Variants in PHIP observed in about 807,000 individuals in gnomAD.
The protein encoded by PHIP is PH-interacting protein.
A neutral mutation model predicts 236.8 loss-of-function variants in PHIP; 54 were observed. That is an observed-to-expected ratio of 0.23 (90% CI 0.18 to 0.29). The LOEUF is 0.29. Among genes scored for constraint, PHIP ranks in the 10% least tolerant of loss-of-function variants. PHIP has a pLI of 1.00. For missense variants in PHIP, 1,370 were observed against 2,190.8 expected, an observed-to-expected ratio of 0.63 and a Z score of 7.48; for synonymous variants, 756 against 718.9, an observed-to-expected ratio of 1.05 and a Z score of -0.83.
At chr6:79,017,670 A>G (rs1770899685) in intron 10 of PHIP, 87 bp from the exon 11 acceptor site, 2 of 855,528 alleles carry the variant, frequency 2.3e-6, no homozygotes, top group Middle Eastern at 2.4e-4. Flanking sequence ...GCAAAATTAC[A>G]GTATATACTG....
intron 19 of PHIP, among the ~76,000 whole-genome samples, chr6:78,995,701 A>G (rs956046769): frequency 1.3e-5 from 2 of 152,132 alleles, no homozygotes; most frequent in Non-Finnish European, 2.9e-5. Flanking sequence ...TCTTTTGCCC[A>G]TTCTCCGGTT....
chr6:79,022,170 G>A (rs75487177), intron 9 of PHIP, among the ~76,000 whole-genome samples: 2,984 of 152,274 alleles, frequency 0.02, 88 homozygotes, highest in African/African-American at 0.068. Context: ...TATCAAGAGT[G>A]CGACCTTAGG....
chr6:79,003,926 C>A, intron 15 of PHIP, 68 bp from the exon 16 acceptor site: 3 of 1,035,858 alleles, frequency 2.9e-6, no homozygotes, highest in South Asian at 3.5e-5. Flanking sequence ...ACTATTATTA[C>A]AATAATTTTA....
intron 18 of PHIP, among the ~76,000 whole-genome samples, chr6:78,997,915 T>C (rs1332715257): frequency 6.6e-6 from 1 of 152,084 alleles, no homozygotes; most frequent in East Asian, 1.9e-4. Context: ...AACCCAAGAG[T>C]ATTAATGGTT....
At chr6:79,026,710 T>C (rs1358748614) in intron 7 of PHIP, among the ~76,000 whole-genome samples, 1 of 151,922 alleles carries the variant, frequency 6.6e-6, no homozygotes, top group Non-Finnish European at 1.5e-5. Flanking sequence ...TTGTTTACTC[T>C]GCCATAGTAG....
At position 78,968,550 on chromosome 6, in the gene PHIP, G is replaced by A. The variant is rs183672647; in HGVS notation, c.3205+1285C>T. Reference sequence around the variant, plus strand: ...TGCAAAGATTTTGGTATCCATGGAGGTCCTGGAAGTAATTCCCTGTGGATA... The same window carrying A: ...TGCAAAGATTTTGGTATCCATGGAGATCCTGGAAGTAATTCCCTGTGGATA... On this transcript the variant is annotated intron_variant, in intron 27 of 39. Coordinates refer to ENST00000275034, the MANE Select transcript of PHIP (RefSeq NM_017934.7). Among the ~76,000 whole-genome samples, 26 of 152,270 alleles carry A rather than the reference G, an allele frequency of 1.7e-4. No individual in the cohort carries two copies. The East Asian group carries it at 3.9e-3, about 23-fold the overall frequency.
In PHIP at chr6:78,938,402, C is replaced by A. The variant is rs79643169; in HGVS notation, c.*2291G>T. 6.6e-6 allele frequency: 1 copy of A among 151,602 alleles called. No homozygotes were observed. 9.4% of individuals were successfully genotyped at this position (151,602 alleles called of 1,614,324 possible). On this transcript the variant is annotated 3_prime_UTR_variant, in exon 40 of 40. Transcript: ENST00000275034. ...GTATATTCCACTCTAAGACTGTGTA[C>A]GCTCTTCCTTTTTCTGTACACAACT...
chr6:78,935,776 G>A lies in PHIP; in HGVS notation c.*4917C>T. ...TGGTATCTGCCATATGACCACTTTG[G>A]TAAGCAGCTTGTTGAGATTATGTAC... On this transcript the variant is annotated 3_prime_UTR_variant, in exon 40 of 40. Coordinates refer to ENST00000275034, the MANE Select transcript of PHIP (RefSeq NM_017934.7). 1.0e-6 allele frequency: 1 copy of A among 983,490 alleles called. No homozygotes were observed. Among genetic ancestry groups the A allele is most frequent in the Non-Finnish European group, 1.2e-6 (1 of 828,218 alleles). 60.9% of individuals were successfully genotyped at this position (983,490 alleles called of 1,614,324 possible).
At chr6:79,065,524 C>G (rs1184772996) in intron 4 of PHIP, among the ~76,000 whole-genome samples, 1 of 152,132 alleles carries the variant, frequency 6.6e-6, no homozygotes, top group Non-Finnish European at 1.5e-5. Flanking sequence ...CCCCACACTT[C>G]CTTGCCCAGA....
intron 15 of PHIP, among the ~76,000 whole-genome samples, chr6:79,006,886 A>G (rs1770318854): frequency 6.6e-6 from 1 of 152,060 alleles, no homozygotes; most frequent in African/African-American, 2.4e-5. Flanking sequence ...GAGATAATCT[A>G]TGAGACAGTA....
rs1199374912 is a variant in PHIP at position 79,026,127 on chromosome 6, T to C, written c.638A>G (p.Asp213Gly). The C allele has an allele frequency of 6.2e-7, 1 of 1,613,882 alleles. No individual in the cohort carries two copies. The highest frequency in any genetic ancestry group is 8.5e-7 in the Non-Finnish European group (1 of 1,179,872). The change falls in exon 8 of 40, where the codon GAT (aspartate) becomes GGT (glycine). Residue 213 changes from aspartate to glycine, a missense_variant. Transcript: ENST00000275034. The part of the protein sequence containing the change: ...DDCLVKIWAT[D>G]DGRLLATLRG... ...TAAGGTAGCTAACAACCTCCCATCA[T>C]CTGTTGCCCATATTTTCACAAGACA... is the stretch of plus-strand genomic sequence containing the variant.
chr6:78,937,505 T>A lies in PHIP; in HGVS notation c.*3188A>T, dbSNP rs914849431. The A allele has an allele frequency of 1.3e-5, 2 of 151,740 alleles. No individual in the cohort carries two copies. The highest frequency in any genetic ancestry group is 1.3e-4 in the Admixed American group (2 of 15,242). 9.4% of individuals were successfully genotyped at this position (151,740 alleles called of 1,614,324 possible). ...CTCTGATTACTGTATCTTATGTAAT[T>A]CATTTCCAAGTGATAACTAAATTTA... On this transcript the variant is annotated 3_prime_UTR_variant, in exon 40 of 40. Transcript: ENST00000275034.
At chr6:78,994,944 T>A (rs1434981167) in intron 19 of PHIP, among the ~76,000 whole-genome samples, 8 of 152,220 alleles carry the variant, frequency 5.3e-5, no homozygotes, top group Non-Finnish European at 1.2e-4. Flanking sequence ...TAGAATAGTA[T>A]AACCTTAACT....
intron 38 of PHIP, 191 bp from the exon 39 acceptor site, chr6:78,945,688 T>TG (rs981176257): frequency 4.7e-5 from 29 of 613,036 alleles, no homozygotes; most frequent in African/African-American, 4.3e-4. Context: ...TTCAGCCCTT[T>TG]TAGAAGCTGT....
rs893874024 is a variant in PHIP, at chr6:79,035,759, C to A, written c.600+7084G>T. ...TTTTCCTATTCAAGCTAAAAAGTAA[C>A]CTGCTTTTCTAGCAAAACTAAAAAT... On this transcript the variant is annotated intron_variant, in intron 7 of 39. Transcript: ENST00000275034. Among the ~76,000 whole-genome samples the A allele has an allele frequency of 3.0e-4, 45 of 152,122 alleles. 1 individual carries two copies. The highest frequency in any genetic ancestry group is 8.8e-5 in the Non-Finnish European group (6 of 68,020).
chr6:78,998,519 C>A, intron 17 of PHIP, 128 bp from the exon 18 acceptor site: 16 of 591,510 alleles, frequency 2.7e-5, no homozygotes, highest in South Asian at 1.4e-4. Flanking sequence ...AAATGATCAA[C>A]TATAAATGAT....
chr6:79,069,107 T>C lies in PHIP; in HGVS notation c.190-8289A>G, dbSNP rs191791759. On this transcript the variant is annotated intron_variant, in intron 4 of 39. Transcript: ENST00000275034. ...CCAGTTTATTGGAATATAGTTCTTA[T>C]TTGTACACTACTGTAGCATATAAAC... 6.2e-4 allele frequency among the ~76,000 whole-genome samples: 94 copies of C among 151,088 alleles called. 1 individual carries two copies. In the South Asian group the frequency reaches 8.1e-3, roughly 13 times the overall value.
At chr6:78,976,038 T>C (rs1400039465) in intron 24 of PHIP, among the ~76,000 whole-genome samples, 1 of 151,924 alleles carries the variant, frequency 6.6e-6, no homozygotes, top group Non-Finnish European at 1.5e-5. Flanking sequence ...AAAGTTCATA[T>C]GGAACCAAAA....
At chr6:79,021,088 A>T (rs2127744811) in intron 9 of PHIP, among the ~76,000 whole-genome samples, 1 of 152,300 alleles carries the variant, frequency 6.6e-6, no homozygotes, top group South Asian at 2.1e-4. Flanking sequence ...ATTTTTAGAC[A>T]CTTCTCTTTA....
Sources: allele counts gnomAD v4.1 joint callset (sites outside exome capture counted in the v4.1 genomes callset), GRCh38; gene constraint gnomAD v4.1.1; transcripts MANE v1.5; gene names NCBI Gene and HGNC (gene_info 2026-07-23, HGNC 2026-07-21).